The following ARHGAP15 variants were observed in gnomAD, a reference collection of about 807,000 sequenced individuals.
ARHGAP15 encodes Rho GTPase activating protein 15.
A neutral mutation model predicts 63.7 loss-of-function variants in ARHGAP15; 51 were observed. The observed-to-expected ratio is 0.80, with a 90% CI of 0.64 to 1.01. The LOEUF is 1.01. Among genes scored for constraint, ARHGAP15 ranks in the 50% least tolerant of loss-of-function variants. ARHGAP15 has a pLI of 0.00. For synonymous variants in ARHGAP15, 191 were observed against 193.8 expected (o/e 0.99, Z 0.12); for missense variants, 560 against 564.6 (o/e 0.99, Z 0.08).
At chr2:143,743,059 A>G (rs755361365) in intron 13 of ARHGAP15, among the ~76,000 whole-genome samples, 31 of 152,198 alleles carry the variant, frequency 2.0e-4, no homozygotes, top group Non-Finnish European at 3.7e-4. Context: ...TGGGAACTAA[A>G]GAGAGCGGCG....
chr2:143,267,033 C>A (rs1681032926), intron 6 of ARHGAP15, among the ~76,000 whole-genome samples: 1 of 152,140 alleles, frequency 6.6e-6, no homozygotes, highest in Non-Finnish European at 1.5e-5. Context: ...CTGAAAGTGG[C>A]ATATGTCACG....
intron 11 of ARHGAP15, among the ~76,000 whole-genome samples, chr2:143,610,842 T>A (rs1481493322): frequency 6.6e-6 from 1 of 151,958 alleles, no homozygotes; most frequent in Non-Finnish European, 1.5e-5. Context: ...AATTCTCCTG[T>A]TTCAGCCTCC....
In ARHGAP15 at chr2:143,740,194, A is replaced by T. The variant is rs183630856; in HGVS notation, c.1245-27795A>T. Among the ~76,000 whole-genome samples, 21 of 152,332 alleles carry T rather than the reference A, an allele frequency of 1.4e-4. No homozygotes were observed. In the East Asian group the frequency reaches 3.5e-3, roughly 25 times the overall value. On this transcript the variant is annotated intron_variant, in intron 13 of 13. Transcript: ENST00000295095. ...ATTAAAATAGCATTTTCCCTCATAT[A>T]CATGAATCTACAAGATGAGCGTAAT...
At chr2:143,307,102 T>C (rs141736402) in intron 6 of ARHGAP15, among the ~76,000 whole-genome samples, 1 of 152,272 alleles carries the variant, frequency 6.6e-6, no homozygotes, top group East Asian at 1.9e-4. Flanking sequence ...CATAGCTGAT[T>C]GTTTTCTTCA....
chr2:143,232,845 G>A (rs1693499903), intron 5 of ARHGAP15, among the ~76,000 whole-genome samples: 1 of 151,860 alleles, frequency 6.6e-6, no homozygotes, highest in Admixed American at 6.6e-5. Flanking sequence ...TTTGTTTCTT[G>A]CTTCTTTCAC....
At chr2:143,465,272 A>C (rs1053551430) in intron 8 of ARHGAP15, among the ~76,000 whole-genome samples, 1 of 152,200 alleles carries the variant, frequency 6.6e-6, no homozygotes, top group Admixed American at 6.5e-5. Context: ...AAAGAGGAAT[A>C]GTGGGCACTG....
intron 6 of ARHGAP15, among the ~76,000 whole-genome samples, chr2:143,377,157 A>C (rs1317556568): frequency 6.6e-6 from 1 of 152,022 alleles, no homozygotes; most frequent in African/African-American, 2.4e-5. Context: ...TTTGGGTAAA[A>C]TTGTAATCCT....
At chr2:143,312,842 A>C (rs1683512051) in intron 6 of ARHGAP15, among the ~76,000 whole-genome samples, 1 of 152,178 alleles carries the variant, frequency 6.6e-6, no homozygotes, top group African/African-American at 2.4e-5. Context: ...TAACAAATTA[A>C]TATCAACTAT....
At chr2:143,695,509 A>T (rs1331337308) in intron 12 of ARHGAP15, among the ~76,000 whole-genome samples, 1 of 152,188 alleles carries the variant, frequency 6.6e-6, no homozygotes, top group Non-Finnish European at 1.5e-5. Flanking sequence ...CTGGTTTCAG[A>T]TTGGTTAGTC....
Position 143,556,404 on chromosome 2 carries a change from T to C in ARHGAP15, c.926-4T>C. The C allele has an allele frequency of 1.2e-6, 2 of 1,602,096 alleles. No individual in the cohort carries two copies. The highest frequency in any genetic ancestry group is 1.7e-6 in the Non-Finnish European group (2 of 1,173,470). Reference sequence around the variant, plus strand: ...TAATATAAAATATGCCCTTTTGTCTTCAGGTCTAGATGTTGATGGAATATA... The same window carrying C: ...TAATATAAAATATGCCCTTTTGTCTCCAGGTCTAGATGTTGATGGAATATA... On this transcript the variant is annotated splice_polypyrimidine_tract_variant and splice_region_variant and intron_variant, in intron 10 of 13. Transcript: ENST00000295095.
At chr2:143,312,675 G>C (rs1306120199) in intron 6 of ARHGAP15, among the ~76,000 whole-genome samples, 1 of 152,030 alleles carries the variant, frequency 6.6e-6, no homozygotes, top group Non-Finnish European at 1.5e-5. Flanking sequence ...TTTTTGCTTC[G>C]CTAATTCACA....
intron 10 of ARHGAP15, among the ~76,000 whole-genome samples, chr2:143,529,121 C>T (rs1694413036): frequency 6.6e-6 from 1 of 152,030 alleles, no homozygotes; most frequent in Non-Finnish European, 1.5e-5. Flanking sequence ...TCAAACTGAA[C>T]TTTTTTGAAC....
At chr2:143,699,706 T>C (rs1226480810) in intron 12 of ARHGAP15, among the ~76,000 whole-genome samples, 1 of 152,188 alleles carries the variant, frequency 6.6e-6, no homozygotes, top group Non-Finnish European at 1.5e-5. Context: ...ACATTTTGAA[T>C]GTCCCTGCAA....
intron 10 of ARHGAP15, among the ~76,000 whole-genome samples, chr2:143,542,842 A>G: frequency 7.1e-6 from 1 of 140,462 alleles, no homozygotes; most frequent in East Asian, 2.0e-4. Context: ...TATATAGTAT[A>G]TATGATATAT....
At chr2:143,476,711 A>T (rs1395981349) in intron 8 of ARHGAP15, among the ~76,000 whole-genome samples, 1 of 152,246 alleles carries the variant, frequency 6.6e-6, no homozygotes, top group Non-Finnish European at 1.5e-5. Flanking sequence ...AGAGGATTAT[A>T]AAATAAAAAC....
At chr2:143,725,881 CACAA>C (rs1255141604) in intron 13 of ARHGAP15, among the ~76,000 whole-genome samples, 2 of 152,184 alleles carry the variant, frequency 1.3e-5, no homozygotes, top group Non-Finnish European at 2.9e-5. Flanking sequence ...CTATAAAAAA[CACAA>C]ACAATGACAA....
At chr2:143,153,808 T>TCTC (rs1689940005) in intron 1 of ARHGAP15, among the ~76,000 whole-genome samples, 1 of 70,750 alleles carries the variant, frequency 1.4e-5, no homozygotes, top group Non-Finnish European at 2.9e-5. Context: ...TTCTTCTTCT[T>TCTC]CTTCTTCTTC....
intron 6 of ARHGAP15, chr2:143,351,344 A>G (rs1685562752): frequency 6.6e-6 from 1 of 152,210 alleles, no homozygotes; most frequent in Non-Finnish European, 1.5e-5. Flanking sequence ...GTGCTTTAAT[A>G]TCATCAGGGA....
intron 3 of ARHGAP15, 102 bp downstream of exon 3, chr2:143,202,304 T>G: frequency 2.1e-6 from 2 of 970,550 alleles, no homozygotes; most frequent in East Asian, 4.9e-5. Flanking sequence ...CATTTTTCTG[T>G]GGGTCAGGAA....
Sources: allele counts gnomAD v4.1 joint callset (sites outside exome capture counted in the v4.1 genomes callset), GRCh38; gene constraint gnomAD v4.1.1; transcripts MANE v1.5; gene names NCBI Gene and HGNC (gene_info 2026-07-23, HGNC 2026-07-21).